Variants in CDIN1 observed in about 807,000 individuals in gnomAD.
The protein encoded by CDIN1 is CDAN1-interacting nuclease 1.
In CDIN1, 33 loss-of-function variants were observed where a neutral mutation model predicts 45.3. The ratio of observed to expected loss-of-function variants is 0.73; its 90% CI spans 0.55 to 0.97. CDIN1 has a LOEUF of 0.97. Ranked by LOEUF, CDIN1 falls within the 50% of genes least tolerant of loss-of-function variation. The pLI is 0.00. For missense variants in CDIN1, 303 were observed against 339.4 expected, an observed-to-expected ratio of 0.89 and a Z score of 0.84; for synonymous variants, 118 against 124.4, an observed-to-expected ratio of 0.95 and a Z score of 0.34.
chr15:36,717,258 A>G (rs1406310780), intron 10 of CDIN1, among the ~76,000 whole-genome samples: 1 of 152,142 alleles, frequency 6.6e-6, no homozygotes, highest in Non-Finnish European at 1.5e-5. Context: ...TGTTACCATG[A>G]TAGAGATAGT....
intron 10 of CDIN1, among the ~76,000 whole-genome samples, chr15:36,768,603 C>T (rs554674010): frequency 8.5e-5 from 13 of 152,250 alleles, no homozygotes; most frequent in African/African-American, 1.7e-4. Flanking sequence ...GCTGCCTTTA[C>T]GCAGATCCCC....
At chr15:36,770,113 T>G (rs1232971666) in intron 10 of CDIN1, among the ~76,000 whole-genome samples, 2 of 150,710 alleles carry the variant, frequency 1.3e-5, no homozygotes, top group African/African-American at 4.9e-5. Context: ...TCTCCCTTTC[T>G]CTCTCTCTCT....
At chr15:36,751,883 A>G (rs955555294) in intron 10 of CDIN1, among the ~76,000 whole-genome samples, 2 of 152,228 alleles carry the variant, frequency 1.3e-5, no homozygotes, top group Non-Finnish European at 2.9e-5. Flanking sequence ...TATGCTCAGC[A>G]AACTAACGCA....
chr15:36,724,373 C>T (rs922263115), intron 10 of CDIN1, among the ~76,000 whole-genome samples: 8 of 152,146 alleles, frequency 5.3e-5, no homozygotes, highest in Admixed American at 2.0e-4. Flanking sequence ...CAAGTAATGC[C>T]GACATTCAAT....
intron 8 of CDIN1, among the ~76,000 whole-genome samples, chr15:36,697,933 A>G (rs924631674): frequency 5.9e-5 from 9 of 152,172 alleles, no homozygotes; most frequent in Non-Finnish European, 8.8e-5. Flanking sequence ...ACATCTCTTA[A>G]GCATTAGAAA....
intron 1 of CDIN1, among the ~76,000 whole-genome samples, chr15:36,601,644 C>T (rs770723255): frequency 6.6e-6 from 1 of 152,166 alleles, no homozygotes; most frequent in Non-Finnish European, 1.5e-5. Flanking sequence ...TGGCAGTTTC[C>T]AAAGCAGAAC....
chr15:36,742,162 A>G (rs1400650891), intron 10 of CDIN1, among the ~76,000 whole-genome samples: 3 of 152,190 alleles, frequency 2.0e-5, no homozygotes, highest in Admixed American at 6.5e-5. Context: ...TATATGTGAG[A>G]TACTAGGAAA....
At chr15:36,678,755 T>G (rs1367146787) in intron 5 of CDIN1, among the ~76,000 whole-genome samples, 1 of 152,210 alleles carries the variant, frequency 6.6e-6, no homozygotes, top group East Asian at 1.9e-4. Context: ...TATATGGTCT[T>G]GTTTTTGTTT....
chr15:36,625,420 A>G (rs957179704), intron 1 of CDIN1, among the ~76,000 whole-genome samples: 2 of 152,180 alleles, frequency 1.3e-5, no homozygotes, highest in Non-Finnish European at 1.5e-5. Flanking sequence ...TTATGATTGC[A>G]TAGAGTTAGT....
chr15:36,783,616 G>A (rs1039318942), intron 10 of CDIN1, among the ~76,000 whole-genome samples: 31 of 151,944 alleles, frequency 2.0e-4, no homozygotes, highest in African/African-American at 7.0e-4. Context: ...ATAACTTTAG[G>A]ACCCAAAAAG....
intron 10 of CDIN1, among the ~76,000 whole-genome samples, chr15:36,721,581 CTG>C (rs895582088): frequency 1.5e-4 from 23 of 152,150 alleles, no homozygotes; most frequent in Non-Finnish European, 2.9e-5. Flanking sequence ...ATGGCTCAGA[CTG>C]TGGTTATCTC....
chr15:36,618,290 G>C (rs1595751456), intron 1 of CDIN1: 1 of 666,410 alleles, frequency 1.5e-6, no homozygotes, highest in African/African-American at 1.8e-5. Context: ...CAATTGAACA[G>C]ATCTAGTTCA....
intron 10 of CDIN1, among the ~76,000 whole-genome samples, chr15:36,798,202 T>A (rs990819027): frequency 3.3e-5 from 5 of 152,166 alleles, no homozygotes; most frequent in Non-Finnish European, 2.9e-5. Context: ...TCATGAAGCT[T>A]ACATTTTAAA....
chr15:36,617,036 TGA>T (rs2038927873), intron 1 of CDIN1: 4 of 751,242 alleles, frequency 5.3e-6, no homozygotes, highest in South Asian at 4.3e-5. Flanking sequence ...CACGGGCCTG[TGA>T]GCCAGTTAGA....
chr15:36,592,755 GA>G (rs901472961), intron 1 of CDIN1, among the ~76,000 whole-genome samples: 1 of 151,624 alleles, frequency 6.6e-6, no homozygotes, highest in Non-Finnish European at 1.5e-5. Flanking sequence ...AATGCTGCTT[GA>G]TTTTTTTTTT....
intron 3 of CDIN1, among the ~76,000 whole-genome samples, chr15:36,649,688 C>T (rs1453959193): frequency 6.6e-6 from 1 of 152,164 alleles, no homozygotes; most frequent in Non-Finnish European, 1.5e-5. Context: ...CTTCTGCTTC[C>T]CTACAAACTA....
chr15:36,596,131 C>CA (rs1765072702), intron 1 of CDIN1, among the ~76,000 whole-genome samples: 2 of 151,084 alleles, frequency 1.3e-5, no homozygotes, highest in Non-Finnish European at 2.9e-5. Context: ...AAAATAATTG[C>CA]TAACAAAAAA....
At chr15:36,655,391 A>T (rs1397040940) in intron 4 of CDIN1, among the ~76,000 whole-genome samples, 1 of 144,570 alleles carries the variant, frequency 6.9e-6, no homozygotes, top group African/African-American at 2.6e-5. Flanking sequence ...CAGTGGCGTG[A>T]TCTTAGCTCA....
In CDIN1 at chr15:36,808,628, C is replaced by A; in HGVS notation, c.*175C>A. ...CATATCAAGAGTTTCTGTTTTCCTTCATCCCTTGCTGATGTGAACAGCCAA... is the reference window on the plus strand; with the variant it reads ...CATATCAAGAGTTTCTGTTTTCCTTAATCCCTTGCTGATGTGAACAGCCAA... On this transcript the variant is annotated 3_prime_UTR_variant, in exon 11 of 11. Transcript: ENST00000566621. The A allele has an allele frequency of 3.5e-6, 3 of 867,270 alleles. No individual in the cohort carries two copies. The highest frequency in any genetic ancestry group is 5.2e-6 in the Non-Finnish European group (3 of 578,266). 53.7% of individuals were successfully genotyped at this position (867,270 alleles called of 1,614,324 possible). A position where few individuals can be genotyped will look rare whatever the true frequency, so the allele number is the denominator to read the frequency against.
Sources: gnomAD v4.1 joint callset for allele counts (sites outside exome capture counted in the v4.1 genomes callset) on GRCh38, gnomAD v4.1.1 for gene constraint, MANE v1.5 for transcripts, NCBI Gene and HGNC (gene_info 2026-07-23, HGNC 2026-07-21) for gene names.